Variants in CIC observed in about 807,000 individuals in gnomAD.
CIC encodes protein capicua homolog.
Under a neutral mutation model 115.7 loss-of-function variants are expected in CIC, and 18 were observed. The observed-to-expected ratio is 0.16, with a 90% CI of 0.11 to 0.23. CIC has a LOEUF of 0.23. Among genes scored for constraint, CIC ranks in the 10% least tolerant of loss-of-function variants. The probability of loss-of-function intolerance (pLI) is 1.00; values close to 1 mark genes in which losing one functional copy is unlikely to be tolerated. For missense variants in CIC, 2,000 were observed against 2,159.3 expected, an observed-to-expected ratio of 0.93 and a Z score of 1.46; for synonymous variants, 1,076 against 923.0, an observed-to-expected ratio of 1.17 and a Z score of -3.01.
chr19:42,291,944 C>T, intron 12 of CIC, 142 bp from the exon 13 acceptor site: 3 of 1,349,978 alleles, frequency 2.2e-6, no homozygotes, highest in South Asian at 1.2e-5. Flanking sequence ...CCCCACCTCT[C>T]ACTGTCATCT....
At chr19:42,290,078 G>A in intron 10 of CIC, 127 bp downstream of exon 10, 1 of 1,390,218 alleles carries the variant, frequency 7.2e-7, no homozygotes. Flanking sequence ...GCCCCGTGGG[G>A]AGTTGGGTCA....
Position 42,290,223 on chromosome 19 carries a change from T to G in CIC, c.4192-10T>G. The stretch of plus-strand genomic sequence containing the variant: ...TCCTGACCTGGGGTGTCTCCCTTCC[T>G]TTCATGCAGGGCTTTGGTCGGAAGG... On this transcript the variant is annotated splice_polypyrimidine_tract_variant and intron_variant, in intron 10 of 20. Transcript: ENST00000681038. 1 of 1,614,086 alleles carries G rather than the reference T, an allele frequency of 6.2e-7. No individual in the cohort carries two copies. Among genetic ancestry groups the G allele is most frequent in the East Asian group, 2.2e-5 (1 of 44,880 alleles).
In CIC at chr19:42,291,004, G is replaced by A; in HGVS notation, c.4963G>A (p.Ala1655Thr). ...CACCTCACCAGCCCCACACTTGGTGGCTGGACCCCTGCTGGGCACTGTGGG... is the reference window on the plus strand; with the variant it reads ...CACCTCACCAGCCCCACACTTGGTGACTGGACCCCTGCTGGGCACTGTGGG... ...AATSPAPHLVAGPLLGTVGKA... is the reference protein window; with the variant it reads ...AATSPAPHLVTGPLLGTVGKA... Residue 1655 changes from alanine to threonine, a missense_variant, in exon 11 of 21, where the codon GCT becomes ACT. Ala to Thr is a moderately conservative substitution (Grantham distance 58). Coordinates refer to ENST00000681038, the MANE Select transcript of CIC (RefSeq NM_001386298.1). 6.2e-7 allele frequency: 1 copy of A among 1,613,794 alleles called. No individual in the cohort carries two copies. Among genetic ancestry groups the A allele is most frequent in the Non-Finnish European group, 8.5e-7 (1 of 1,180,004 alleles).
Position 42,289,081 on chromosome 19 carries a change from A to T in CIC, c.3852A>T (p.Glu1284Asp). ...GGEVDSQALQ[E>D]LTQMVSGPAS... ...AAGTAGACAGTCAGGCGCTACAGGA[A>T]CTGACGCAGGTCTAGGGTGCAGGCC... Residue 1284 changes from glutamate to aspartate, a missense_variant, in exon 8 of 21, where the codon GAA (glutamate) becomes GAT (aspartate). Glu to Asp is a conservative substitution (Grantham distance 45, BLOSUM62 2). Around this residue, in one of 8 missense-constraint regions of CIC, gnomAD observed 1,466 missense variants for 1,390.4 expected, o/e 1.05. Transcript: ENST00000681038. 3 of 1,613,618 alleles carry T rather than the reference A, an allele frequency of 1.9e-6. No individual in the cohort carries two copies. The highest frequency in any genetic ancestry group is 2.5e-6 in the Non-Finnish European group (3 of 1,180,032).
intron 2 of CIC, among the ~76,000 whole-genome samples, chr19:42,283,085 G>A (rs2037337698): frequency 6.6e-6 from 1 of 152,128 alleles, no homozygotes; most frequent in Non-Finnish European, 1.5e-5. Context: ...CACCCATTAG[G>A]GTAGGATTAT....
chr19:42,293,697 G>A lies in CIC; in HGVS notation c.6628G>A (p.Val2210Ile), dbSNP rs2147332810. 1 of 1,612,822 alleles carries A rather than the reference G, an allele frequency of 6.2e-7. No homozygotes were observed. Among genetic ancestry groups the A allele is most frequent in the East Asian group, 2.2e-5 (1 of 44,882 alleles). Residue 2210 changes from valine to isoleucine, a missense_variant, in exon 17 of 21, where the codon GTA (valine) becomes ATA (isoleucine). Physicochemically the swap from Val to Ile is conservative, Grantham distance 29. Around this residue, in one of 8 missense-constraint regions of CIC, gnomAD observed 1,466 missense variants for 1,390.4 expected, o/e 1.05. Coordinates refer to ENST00000681038, the MANE Select transcript of CIC (RefSeq NM_001386298.1). ...TPPSPAPAPA[V>I]APGGSSESSS... is the part of the protein sequence containing the mutation. Reference sequence around the variant, plus strand: ...TCCCAGCCCGGCCCCAGCTCCAGCTGTAGCCCCTGGTGGCAGCAGCGAGAG... The same window carrying A: ...TCCCAGCCCGGCCCCAGCTCCAGCTATAGCCCCTGGTGGCAGCAGCGAGAG...
upstream of CIC, among the ~76,000 whole-genome samples, chr19:42,268,745 A>AT (rs1324488195): frequency 6.6e-6 from 1 of 152,164 alleles, no homozygotes; most frequent in Non-Finnish European, 1.5e-5. Context: ...ACTGTCGGCT[A>AT]TGGGCCGAAG....
Position 42,290,746 on chromosome 19 carries a change from C to T in CIC, c.4705C>T (p.Pro1569Ser). Reference protein sequence around the residue: ...APAPSLAYGAPAAPLSRPAAT... With the variant: ...APAPSLAYGASAAPLSRPAAT... ...CGCCCCATCACTGGCCTATGGGGCC[C>T]CAGCAGCTCCCCTGTCCCGTCCTGC... The change falls in exon 11 of 21, where the codon CCA (proline) becomes TCA (serine). Residue 1569 changes from proline to serine, a missense_variant. Pro to Ser is a moderately conservative substitution (Grantham distance 74). Transcript: ENST00000681038. The T allele has an allele frequency of 3.1e-6, 5 of 1,612,412 alleles. No individual in the cohort carries two copies. Among genetic ancestry groups the T allele is most frequent in the Non-Finnish European group, 4.2e-6 (5 of 1,179,700 alleles).
chr19:42,294,430 G>A (rs1288265589), intron 19 of CIC, 126 bp downstream of exon 19: 1 of 1,558,756 alleles, frequency 6.4e-7, no homozygotes, highest in African/African-American at 1.4e-5. Flanking sequence ...CAGCCTGTCA[G>A]TGGTGGGTTC....
chr19:42,286,960 GGT>G, intron 3 of CIC, 40 bp downstream of exon 3: 4 of 1,608,064 alleles, frequency 2.5e-6, no homozygotes, highest in Non-Finnish European at 2.5e-6. Context: ...AAGGGTGTGG[GGT>G]CCAGGTGGCC....
rs902591645 is a variant in CIC, at chr19:42,270,861, G to A, written c.-10-913G>A. 3.3e-5 allele frequency among the ~76,000 whole-genome samples: 5 copies of A among 152,178 alleles called. No individual in the cohort carries two copies. The highest frequency in any genetic ancestry group is 6.5e-5 in the Admixed American group (1 of 15,286). The stretch of plus-strand genomic sequence containing the variant: ...TCTGTGCGTGTGTGTGTGTTTGTGC[G>A]CGTGCGTGTGCTCATGCACGGCCCC... On this transcript the variant is annotated intron_variant, in intron 1 of 20. Transcript: ENST00000681038. This position sits in a 1 kb window ranked among gnomAD's most constrained non-coding sequence, Gnocchi z 4.1.
rs2038174169 is a variant in CIC, at chr19:42,292,198, C to T, written c.5726C>T (p.Ser1909Phe). 6.2e-7 allele frequency: 1 copy of T among 1,614,066 alleles called. No individual in the cohort carries two copies. Among genetic ancestry groups the T allele is most frequent in the Non-Finnish European group, 8.5e-7 (1 of 1,180,040 alleles). ...CAGCCTCAGAAGGTCCTGTTGCCCT[C>T]CTCCACCAGGTAATTGCAGCTGAGC... ...TSQPQKVLLP[S>F]STRITYVQSA... is the part of the protein sequence containing the mutation. The change falls in exon 13 of 21, where the codon TCC (serine) becomes TTC (phenylalanine). Residue 1909 changes from serine (S) to phenylalanine (F), a missense_variant. Coordinates refer to ENST00000681038, the MANE Select transcript of CIC (RefSeq NM_001386298.1).
chr19:42,293,223 G>T lies in CIC; in HGVS notation c.6464G>T (p.Ser2155Ile). ...PETWTPTARS[S>I]PPLPPPAEER... Reference sequence around the variant, plus strand: ...ACCTGGACTCCCACGGCCCGGAGCAGCCCCCCACTGCCCCCACCTGCTGAG... The same window carrying T: ...ACCTGGACTCCCACGGCCCGGAGCATCCCCCCACTGCCCCCACCTGCTGAG... Residue 2155 changes from serine (S) to isoleucine (I), a missense_variant, in exon 16 of 21, where the codon AGC becomes ATC. By Grantham distance (142) the Ser-to-Ile change is moderately radical. Transcript: ENST00000681038. 2 of 1,595,008 alleles carry T rather than the reference G, an allele frequency of 1.3e-6. No individual in the cohort carries two copies. Among genetic ancestry groups the T allele is most frequent in the Non-Finnish European group, 8.5e-7 (1 of 1,172,232 alleles).
At chr19:42,288,345 C>T (rs2037813771) in intron 7 of CIC, among the ~76,000 whole-genome samples, 1 of 152,154 alleles carries the variant, frequency 6.6e-6, no homozygotes, top group Admixed American at 6.5e-5. Context: ...AATGACAGAG[C>T]CAGAATGTAA....
rs1370412462 is a variant in CIC at position 42,293,167 on chromosome 19, C to T, written c.6408C>T (p.Pro2136=). 6.2e-7 allele frequency: 1 copy of T among 1,604,050 alleles called. No homozygotes were observed. The highest frequency in any genetic ancestry group is 1.3e-5 in the African/African-American group (1 of 74,690). The change falls in exon 16 of 21, where the codon CCC becomes CCT. Residue 2136 remains proline, a synonymous_variant. Transcript: ENST00000681038. ...CAGAGTCTGAGCTTGAGGGGCAGCC[C>T]ACACCACCAGCCCCTCCACCCCTGC... ...TAPESELEGQ[P]TPPAPPPLPE... is the part of the protein sequence containing the mutation.
Position 42,292,174 on chromosome 19 carries a change from A to C in CIC, c.5702A>C (p.Gln1901Pro), listed in dbSNP as rs776477130. 4 of 1,613,860 alleles carry C rather than the reference A, an allele frequency of 2.5e-6. No individual in the cohort carries two copies. Among genetic ancestry groups the C allele is most frequent in the Non-Finnish European group, 3.4e-6 (4 of 1,179,982 alleles). ...SPATLPGPTS[Q>P]PQKVLLPSST... ...GCCACACTCCCTGGACCCACCTCTC[A>C]GCCTCAGAAGGTCCTGTTGCCCTCC... The change falls in exon 13 of 21, where the codon CAG becomes CCG. Residue 1901 changes from glutamine (Q) to proline (P), a missense_variant. By Grantham distance (76) the Gln-to-Pro change is moderately conservative (BLOSUM62 -1). Around this residue, in one of 8 missense-constraint regions of CIC, gnomAD observed 1,466 missense variants for 1,390.4 expected, o/e 1.05. Coordinates refer to ENST00000681038, the MANE Select transcript of CIC (RefSeq NM_001386298.1).
Position 42,295,431 on chromosome 19 carries a change from G to A in CIC, c.*240G>A. 1 of 519,764 alleles carries A rather than the reference G, an allele frequency of 1.9e-6. No homozygotes were observed. The allele number at this position is 519,764 out of a possible 1,614,324, so 32.2% of individuals were successfully genotyped here. A position where few individuals can be genotyped will look rare whatever the true frequency, so the allele number is the denominator to read the frequency against. ...TCCAAGCCCCTGTACATAACCTGGA[G>A]CGTGTGACCTTCAGAGCTTTTCACT... On this transcript the variant is annotated 3_prime_UTR_variant, in exon 21 of 21. Transcript: ENST00000681038.
rs10410185 is a variant in CIC, at chr19:42,291,402, T to C, written c.5361T>C (p.Ala1787=). Residue 1787 remains alanine (A), a synonymous_variant, in exon 11 of 21, where the codon GCT becomes GCC. Transcript: ENST00000681038. The part of the protein sequence containing the change: ...PGTSTNGKVL[A]ATAPTPGIPI... ...CTTCCACCAACGGCAAAGTCCTGGC[T>C]GCCACTGCACCCACTCCTGGCATCC... 0.062 allele frequency: 99,687 copies of C among 1,612,864 alleles called. 3,912 individuals carry two copies. The highest frequency in any genetic ancestry group is 0.18 in the Middle Eastern group (1,103 of 6,062).
At chr19:42,292,022 G>A in intron 12 of CIC, 64 bp from the exon 13 acceptor site, 1 of 1,609,310 alleles carries the variant, frequency 6.2e-7, no homozygotes. Context: ...TTGAGGTCTT[G>A]GTCTTCCCCT....
Sources: gnomAD v4.1 joint callset for allele counts (sites outside exome capture counted in the v4.1 genomes callset) on GRCh38, gnomAD v4.1.1 for gene constraint, gnomAD v4.1.1 regional missense constraint, Gnocchi (gnomAD v3.1) non-coding constraint, MANE v1.5 for transcripts, NCBI Gene and HGNC (gene_info 2026-07-23, HGNC 2026-07-21) for gene names.